The following ADAMTS18 variants were observed in gnomAD, a reference collection of about 807,000 sequenced individuals.
ADAMTS18 encodes the protein ADAM metallopeptidase with thrombospondin type 1 motif 18.
A neutral mutation model predicts 165.9 loss-of-function variants in ADAMTS18; 157 were observed. The ratio of observed to expected loss-of-function variants is 0.95; its 90% confidence interval spans 0.83 to 1.08. The LOEUF (loss-of-function observed/expected upper bound fraction) is 1.08. Among genes scored for constraint, ADAMTS18 ranks in the 50% least tolerant of loss-of-function variants. ADAMTS18 has a pLI of 0.00. For synonymous variants in ADAMTS18, 782 were observed against 578.2 expected, an observed-to-expected ratio of 1.35 and a Z score of -5.06; for missense variants, 2,040 against 1,534.0, an observed-to-expected ratio of 1.33 and a Z score of -5.51.
At chr16:77,302,004 C>CTTTTTTT (rs4038557) in intron 16 of ADAMTS18, among the ~76,000 whole-genome samples, 1 of 128,816 alleles carries the variant, frequency 7.8e-6, no homozygotes, top group Admixed American at 7.9e-5. Flanking sequence ...CTAGTCTTTG[C>CTTTTTTT]TTTTTTTTTT....
chr16:77,339,365 G>A (rs748370296), intron 11 of ADAMTS18, among the ~76,000 whole-genome samples: 30 of 151,998 alleles, frequency 2.0e-4, no homozygotes, highest in Admixed American at 3.3e-4. Flanking sequence ...TTAAAATAAC[G>A]TGGTGTGGCA....
intron 10 of ADAMTS18, 113 bp downstream of exon 10, chr16:77,353,620 G>T (rs867110588): frequency 7.0e-7 from 1 of 1,428,526 alleles, no homozygotes; most frequent in Admixed American, 1.7e-5. Flanking sequence ...ACACGGTAGA[G>T]ATAACCCAGA....
At chr16:77,416,718 T>A (rs1285750310) in intron 3 of ADAMTS18, among the ~76,000 whole-genome samples, 1 of 152,174 alleles carries the variant, frequency 6.6e-6, no homozygotes, top group Non-Finnish European at 1.5e-5. Context: ...CTGATACATA[T>A]ACTATGCTCA....
At chr16:77,321,684 G>C (rs917925520) in intron 14 of ADAMTS18, among the ~76,000 whole-genome samples, 2 of 152,194 alleles carry the variant, frequency 1.3e-5, no homozygotes, top group Non-Finnish European at 2.9e-5. Flanking sequence ...TAATCATATA[G>C]TAAAGGTACT....
intron 12 of ADAMTS18, among the ~76,000 whole-genome samples, chr16:77,330,429 C>T (rs1291522434): frequency 6.6e-6 from 1 of 152,136 alleles, no homozygotes; most frequent in East Asian, 1.9e-4. Flanking sequence ...TCTGACTCTG[C>T]CATTACCAGC....
chr16:77,416,121 G>C (rs551472950), intron 3 of ADAMTS18, among the ~76,000 whole-genome samples: 1 of 152,232 alleles, frequency 6.6e-6, no homozygotes, highest in African/African-American at 2.4e-5. Flanking sequence ...TGATGGGAGT[G>C]TCAGGGAAGA....
intron 17 of ADAMTS18, among the ~76,000 whole-genome samples, chr16:77,299,163 A>C (rs761955282): frequency 2.0e-5 from 3 of 152,254 alleles, no homozygotes; most frequent in Non-Finnish European, 4.4e-5. Context: ...ACATGATTTC[A>C]GTACAGAGGG....
Position 77,321,160 on chromosome 16 carries a change from C to T in ADAMTS18, c.2206G>A (p.Asp736Asn). Residue 736 changes from aspartate (D) to asparagine (N), a missense_variant, in exon 15 of 23, where the codon GAT becomes AAT. Asp to Asn is a conservative substitution (Grantham distance 23). Transcript: ENST00000282849. Reference protein sequence around the residue: ...DHELGSKAVSDACGVCKGDNS... With the variant: ...DHELGSKAVSNACGVCKGDNS... ...TCACCTTTGCAAACGCCACAAGCATCTGAAACTGCTTTAGAGCCTAGTTCA... is the reference window on the plus strand; with the variant it reads ...TCACCTTTGCAAACGCCACAAGCATTTGAAACTGCTTTAGAGCCTAGTTCA... The T allele has an allele frequency of 6.2e-7, 1 of 1,614,184 alleles. No individual in the cohort carries two copies. Among genetic ancestry groups the T allele is most frequent in the Non-Finnish European group, 8.5e-7 (1 of 1,180,026 alleles).
intron 12 of ADAMTS18, among the ~76,000 whole-genome samples, chr16:77,326,938 A>T (rs182525321): frequency 6.6e-6 from 1 of 152,304 alleles, no homozygotes; most frequent in Non-Finnish European, 1.5e-5. Flanking sequence ...ATAAGGAAGA[A>T]TATGTGACAT....
chr16:77,430,571 T>C (rs2057726568), intron 3 of ADAMTS18, among the ~76,000 whole-genome samples: 1 of 152,162 alleles, frequency 6.6e-6, no homozygotes, highest in African/African-American at 2.4e-5. Flanking sequence ...CACTTCTCAA[T>C]CACAACACAG....
chr16:77,431,185 G>C (rs2057734568), intron 3 of ADAMTS18, 110 bp downstream of exon 3: 1 of 1,138,206 alleles, frequency 8.8e-7, no homozygotes, highest in Non-Finnish European at 1.3e-6. Context: ...AAGGCTGACA[G>C]TGTGAATGTG....
chr16:77,366,007 A>G (rs1229442967), intron 4 of ADAMTS18, among the ~76,000 whole-genome samples: 1 of 152,194 alleles, frequency 6.6e-6, no homozygotes, highest in East Asian at 1.9e-4. Flanking sequence ...TACAGGCTAA[A>G]TCATTACTCT....
intron 7 of ADAMTS18, among the ~76,000 whole-genome samples, chr16:77,361,810 G>T (rs1195560705): frequency 6.6e-6 from 1 of 152,098 alleles, no homozygotes; most frequent in Non-Finnish European, 1.5e-5. Context: ...CTTGAACCCA[G>T]GAGGCGGAGG....
chr16:77,332,667 TG>T (rs1250488230), intron 12 of ADAMTS18, among the ~76,000 whole-genome samples: 1 of 152,170 alleles, frequency 6.6e-6, no homozygotes, highest in Non-Finnish European at 1.5e-5. Context: ...ATCTCACACA[TG>T]TTTCATGTGG....
chr16:77,351,178 AG>A (rs1386561729), intron 10 of ADAMTS18, among the ~76,000 whole-genome samples: 1 of 152,192 alleles, frequency 6.6e-6, no homozygotes, highest in Non-Finnish European at 1.5e-5. Context: ...CAATACCAAA[AG>A]CTAAGGTGTG....
intron 21 of ADAMTS18, among the ~76,000 whole-genome samples, chr16:77,290,075 T>TA (rs1216003660): frequency 2.0e-5 from 3 of 149,702 alleles, no homozygotes; most frequent in African/African-American, 7.7e-5. Context: ...AAAAAGTTAC[T>TA]ACATTAATTT....
intron 10 of ADAMTS18, among the ~76,000 whole-genome samples, chr16:77,343,971 A>G (rs2056437072): frequency 1.3e-5 from 2 of 151,782 alleles, no homozygotes; most frequent in African/African-American, 4.8e-5. Flanking sequence ...TGAACCAGGC[A>G]CCTAATTCCC....
chr16:77,291,613 C>T lies in ADAMTS18; in HGVS notation c.3190-135G>A, dbSNP rs570739300. ...GATTACACAAGGTCAACCACACTCA[C>T]TCGAGGATCTTACAGATACAGCAGC... is the stretch of plus-strand genomic sequence containing the variant. On this transcript the variant is annotated intron_variant, in intron 20 of 22. Transcript: ENST00000282849. The T allele has an allele frequency of 6.6e-6, 6 of 911,488 alleles. No homozygotes were observed. The East Asian group carries it at 7.2e-5, about 11-fold the overall frequency. 56.5% of individuals were successfully genotyped at this position (911,488 alleles called of 1,614,324 possible).
At chr16:77,380,294 T>A (rs746044152) in intron 3 of ADAMTS18, among the ~76,000 whole-genome samples, 1 of 152,250 alleles carries the variant, frequency 6.6e-6, no homozygotes, top group African/African-American at 2.4e-5. Flanking sequence ...TGTACGGATG[T>A]AAATGTCATC....
Sources: allele counts gnomAD v4.1 joint callset (sites outside exome capture counted in the v4.1 genomes callset), GRCh38; gene constraint gnomAD v4.1.1; transcripts MANE v1.5; gene names NCBI Gene and HGNC (gene_info 2026-07-23, HGNC 2026-07-21).